Variants in SNTG1 observed in about 807,000 individuals in gnomAD.
SNTG1 encodes syntrophin gamma 1, also known as gamma-1-syntrophin.
A neutral mutation model predicts 74.7 loss-of-function variants in SNTG1; 39 were observed. The observed-to-expected ratio is 0.52, with a 90% confidence interval of 0.40 to 0.68. The LOEUF is 0.68. Ranked by LOEUF, SNTG1 falls within the 30% of genes least tolerant of loss-of-function variation. SNTG1 has a pLI of 0.00. For missense variants in SNTG1, 685 were observed against 609.5 expected (o/e 1.12, Z -1.30); for synonymous variants, 254 against 217.1 (o/e 1.17, Z -1.49).
intron 1 of SNTG1, among the ~76,000 whole-genome samples, chr8:49,939,619 A>C (rs1453610093): frequency 6.6e-6 from 1 of 152,182 alleles, no homozygotes; most frequent in Non-Finnish European, 1.5e-5. Flanking sequence ...TTTGTATGTC[A>C]AATTCCTGCT....
At chr8:50,057,024 A>G (rs951953967) in intron 1 of SNTG1, among the ~76,000 whole-genome samples, 1 of 152,334 alleles carries the variant, frequency 6.6e-6, no homozygotes, top group Admixed American at 6.5e-5. Context: ...AAGAGATAAG[A>G]CAATGAGTCA....
intron 2 of SNTG1, among the ~76,000 whole-genome samples, chr8:50,317,992 A>G (rs1315607890): frequency 6.6e-6 from 1 of 151,992 alleles, no homozygotes; most frequent in Non-Finnish European, 1.5e-5. Context: ...GCTCGCCACC[A>G]CGCCCGGCTA....
In SNTG1 at chr8:50,751,888, A is replaced by T. The variant is rs183915907; in HGVS notation, c.1285-113A>T. ...TTAAATTTCATTTTAAAATATTGGG[A>T]CATAGTACTAACTTTGTATGATTAA... On this transcript the variant is annotated intron_variant, in intron 17 of 18. Coordinates refer to ENST00000642720, the MANE Select transcript of SNTG1 (RefSeq NM_018967.5). 2.2e-3 allele frequency: 1,118 copies of T among 498,826 alleles called. 12 individuals are homozygous for T. Among genetic ancestry groups the T allele is most frequent in the South Asian group, 0.013 (299 of 23,160 alleles). The allele number at this position is 498,826 out of a possible 1,614,324, so 30.9% of individuals were successfully genotyped here.
At chr8:50,171,412 G>A (rs748659658) in intron 1 of SNTG1, among the ~76,000 whole-genome samples, 1 of 152,066 alleles carries the variant, frequency 6.6e-6, no homozygotes, top group Non-Finnish European at 1.5e-5. Flanking sequence ...GAAATATGTA[G>A]GCTGGGCCGC....
At chr8:50,097,868 T>A (rs1474078873) in intron 1 of SNTG1, among the ~76,000 whole-genome samples, 1 of 152,232 alleles carries the variant, frequency 6.6e-6, no homozygotes, top group Non-Finnish European at 1.5e-5. Flanking sequence ...TTAAGTATGC[T>A]GTATTTCATT....
chr8:50,051,970 A>G (rs1819614507), intron 1 of SNTG1, among the ~76,000 whole-genome samples: 1 of 152,080 alleles, frequency 6.6e-6, no homozygotes, highest in African/African-American at 2.4e-5. Flanking sequence ...TAATATTGTT[A>G]AGATGTTTAT....
chr8:50,583,360 C>G (rs919645969), intron 12 of SNTG1, among the ~76,000 whole-genome samples: 1 of 137,382 alleles, frequency 7.3e-6, no homozygotes, highest in Non-Finnish European at 1.5e-5. Flanking sequence ...TGAGATCACA[C>G]TACTGCCTCC....
rs865929758 is a variant in SNTG1, at chr8:49,938,647, C to T, written c.-103+26416C>T. Among the ~76,000 whole-genome samples the T allele has an allele frequency of 2.6e-3, 292 of 110,452 alleles. 7 individuals carry two copies. The highest frequency in any genetic ancestry group is 9.2e-3 in the African/African-American group (276 of 29,894). 72.5% of individuals were successfully genotyped at this position (110,452 alleles called of 152,430 possible). ...TCTTTCTTTCTTTCTTTCTTTCCTT[C>T]CTCTCTCTCTCTCTTCCTTCCTTCC... is the stretch of plus-strand genomic sequence containing the variant. On this transcript the variant is annotated intron_variant, in intron 1 of 18. Coordinates refer to ENST00000642720, the MANE Select transcript of SNTG1 (RefSeq NM_018967.5).
At chr8:50,573,201 A>G (rs2094558577) in intron 12 of SNTG1, among the ~76,000 whole-genome samples, 1 of 152,102 alleles carries the variant, frequency 6.6e-6, no homozygotes. Context: ...TGCTGGTCTA[A>G]AGAGGTCATC....
At chr8:49,994,105 C>T (rs1440997773) in intron 1 of SNTG1, among the ~76,000 whole-genome samples, 1 of 151,938 alleles carries the variant, frequency 6.6e-6, no homozygotes, top group Non-Finnish European at 1.5e-5. Flanking sequence ...TATATGTGTA[C>T]ATACAAGTAT....
chr8:50,059,808 T>C (rs1424922896), intron 1 of SNTG1, among the ~76,000 whole-genome samples: 1 of 152,136 alleles, frequency 6.6e-6, no homozygotes, highest in Non-Finnish European at 1.5e-5. Context: ...AATATTTGTG[T>C]ATAATTTTTT....
chr8:50,057,067 A>G (rs910921863), intron 1 of SNTG1, among the ~76,000 whole-genome samples: 2 of 152,194 alleles, frequency 1.3e-5, no homozygotes, highest in African/African-American at 4.8e-5. Context: ...GTGATTCAGC[A>G]AAACACAATT....
At chr8:50,505,117 T>C (rs1324473851) in intron 9 of SNTG1, among the ~76,000 whole-genome samples, 1 of 152,192 alleles carries the variant, frequency 6.6e-6, no homozygotes, top group Non-Finnish European at 1.5e-5. Flanking sequence ...TTATTTCATT[T>C]AGCATAATGT....
intron 13 of SNTG1, among the ~76,000 whole-genome samples, chr8:50,641,514 C>A (rs11786241): frequency 0.22 from 33,850 of 152,112 alleles, 4,363 homozygotes; most frequent in African/African-American, 0.34. Context: ...CCAACACTTT[C>A]TGTGCTTTCA....
chr8:50,165,955 G>A lies in SNTG1; in HGVS notation c.-102-6606G>A, dbSNP rs199602483. 1.7e-3 allele frequency among the ~76,000 whole-genome samples: 243 copies of A among 147,156 alleles called. 3 individuals are homozygous for A. In the East Asian group the frequency reaches 0.047, roughly 28 times the overall value. ...TCAATGGAACAGACCAGAGCCCTCA[G>A]AAATAATGCCGCATATCTACAACTA... is the stretch of plus-strand genomic sequence containing the variant. On this transcript the variant is annotated intron_variant, in intron 1 of 18. Transcript: ENST00000642720.
chr8:49,992,320 C>G (rs559425391), intron 1 of SNTG1, among the ~76,000 whole-genome samples: 1 of 152,286 alleles, frequency 6.6e-6, no homozygotes, highest in East Asian at 1.9e-4. Flanking sequence ...TCTACAGGGA[C>G]TAACTGTACC....
At chr8:50,015,343 G>T (rs1816213028) in intron 1 of SNTG1, among the ~76,000 whole-genome samples, 1 of 151,912 alleles carries the variant, frequency 6.6e-6, no homozygotes, top group Admixed American at 6.6e-5. Context: ...AGATTATGTA[G>T]TTTCAGAAAG....
At chr8:50,276,133 A>G (rs2088087044) in intron 2 of SNTG1, among the ~76,000 whole-genome samples, 1 of 152,118 alleles carries the variant, frequency 6.6e-6, no homozygotes, top group Non-Finnish European at 1.5e-5. Context: ...TTAAAGAGCA[A>G]GAACTAGGGA....
At chr8:49,947,817 A>T (rs563553495) in intron 1 of SNTG1, among the ~76,000 whole-genome samples, 1 of 152,282 alleles carries the variant, frequency 6.6e-6, no homozygotes, top group East Asian at 1.9e-4. Flanking sequence ...GACTCTATTA[A>T]GGCTCTGTGT....
Sources: allele counts gnomAD v4.1 joint callset (sites outside exome capture counted in the v4.1 genomes callset), GRCh38; gene constraint gnomAD v4.1.1; transcripts MANE v1.5; gene names NCBI Gene and HGNC (gene_info 2026-07-23, HGNC 2026-07-21).